GRAMD1B: variants seen among roughly 807,000 people sequenced by gnomAD.
GRAMD1B encodes the protein protein Aster-B.
Under a neutral mutation model 99.7 loss-of-function variants are expected in GRAMD1B, and 37 were observed. The ratio of observed to expected loss-of-function variants is 0.37; its 90% confidence interval spans 0.29 to 0.49. GRAMD1B has a LOEUF of 0.49. Ranked by LOEUF, GRAMD1B falls within the 20% of genes least tolerant of loss-of-function variation. GRAMD1B has a pLI of 0.98. For synonymous variants in GRAMD1B, 427 were observed against 387.6 expected (o/e 1.10, Z -1.19); for missense variants, 888 against 1,009.2 (o/e 0.88, Z 1.63).
Position 123,614,816 on chromosome 11 carries a change from C to T in GRAMD1B, c.2299C>T (p.Leu767=), listed in dbSNP as rs77039947. The T allele has an allele frequency of 2.0e-3, 3,200 of 1,607,336 alleles. 113 individuals are homozygous for T. The East Asian group carries it at 0.062, about 31-fold the overall frequency. The change falls in exon 17 of 20, where the codon CTG becomes TTG. Residue 767 remains leucine, a synonymous_variant. Coordinates refer to ENST00000635736, the MANE Select transcript of GRAMD1B (RefSeq NM_001387025.1). ...CCACCTGCAGAGCGTGTCCAAGCTG[C>T]TGCTGGTTATCAGCTGTGTGTAAGG... The part of the protein sequence containing the change: ...GFHLQSVSKL[L]LVISCVLVLL...
intron 1 of GRAMD1B, among the ~76,000 whole-genome samples, chr11:123,388,119 T>G (rs777375729): frequency 2.5e-4 from 24 of 97,224 alleles, no homozygotes; most frequent in Non-Finnish European, 3.6e-4. Flanking sequence ...AAAGCGAGAC[T>G]CCTCCTCCTC....
intron 1 of GRAMD1B, among the ~76,000 whole-genome samples, chr11:123,403,368 A>C (rs1017257771): frequency 1.3e-5 from 2 of 151,176 alleles, no homozygotes; most frequent in Non-Finnish European, 2.9e-5. Flanking sequence ...TGGAGGTTGC[A>C]GTGAGCTGAG....
chr11:123,464,032 G>C (rs1892969), intron 1 of GRAMD1B, among the ~76,000 whole-genome samples: 115,999 of 152,022 alleles, frequency 0.76, 45,490 homozygotes, highest in East Asian at 0.97. Context: ...GATAACAGGG[G>C]TGGGCCATGC....
At chr11:123,500,651 T>G (rs1027141251) in intron 2 of GRAMD1B, among the ~76,000 whole-genome samples, 1 of 152,144 alleles carries the variant, frequency 6.6e-6, no homozygotes, top group Non-Finnish European at 1.5e-5. Context: ...GTATTATTAT[T>G]AAAATAATAA....
At chr11:123,362,110 C>T (rs978615584) in intron 1 of GRAMD1B, among the ~76,000 whole-genome samples, 1 of 152,150 alleles carries the variant, frequency 6.6e-6, no homozygotes, top group African/African-American at 2.4e-5. Context: ...TTAGGTGTTC[C>T]TTAAACCAAC....
intron 2 of GRAMD1B, among the ~76,000 whole-genome samples, chr11:123,493,839 T>C (rs1938898140): frequency 6.6e-6 from 1 of 152,168 alleles, no homozygotes; most frequent in African/African-American, 2.4e-5. Flanking sequence ...GAGGAAGACC[T>C]GAGTTCTTCC....
Position 123,560,236 on chromosome 11 carries a change from CT to C in GRAMD1B, c.453-17130del. On this transcript the variant is annotated intron_variant, in intron 2 of 19. Transcript: ENST00000635736. ...AAGAGGGGTGCGTGTCTGAGTGTGT[CT>C]GTGCGCCTGTGCGCGTGCGTGCCTG... 3.7e-6 allele frequency: 4 copies of C among 1,071,688 alleles called. No individual in the cohort carries two copies. The South Asian group carries it at 1.1e-4, about 30-fold the overall frequency. The allele number at this position is 1,071,688 out of a possible 1,614,324, so 66.4% of individuals were successfully genotyped here. A position where few individuals can be genotyped will look rare whatever the true frequency, so the allele number is the denominator to read the frequency against.
chr11:123,430,799 G>A lies in GRAMD1B; in HGVS notation c.7G>A (p.Ala3Thr). The A allele has an allele frequency of 1.5e-6, 1 of 681,054 alleles. No homozygotes were observed. The highest frequency in any genetic ancestry group is 1.8e-5 in the African/African-American group (1 of 56,522). The allele number at this position is 681,054 out of a possible 1,614,324, so 42.2% of individuals were successfully genotyped here. The change falls in exon 1 of 20, where the codon GCG (alanine) becomes ACG (threonine). Residue 3 changes from alanine to threonine, a missense_variant. Ala to Thr is a moderately conservative substitution (Grantham distance 58). Coordinates refer to ENST00000635736, the MANE Select transcript of GRAMD1B (RefSeq NM_001387025.1). MP[A>T]ANMMENRPLP... ...CGCAGAGGCGACGGCCCCCATGCCG[G>A]CGGCCAACATGATGGAGAACCGGCC... is the stretch of plus-strand genomic sequence containing the variant.
At chr11:123,599,104 G>T in intron 7 of GRAMD1B, 1 of 862,068 alleles carries the variant, frequency 1.2e-6, no homozygotes, top group Non-Finnish European at 2.0e-6. Flanking sequence ...GGATTCTCTC[G>T]AGCCTTCAGG....
At chr11:123,576,014 C>T (rs950694896) in intron 2 of GRAMD1B, among the ~76,000 whole-genome samples, 3 of 151,822 alleles carry the variant, frequency 2.0e-5, no homozygotes, top group African/African-American at 7.3e-5. Context: ...TATCAGTTTC[C>T]TTCCAAAAGT....
intron 1 of GRAMD1B, among the ~76,000 whole-genome samples, chr11:123,452,503 A>C (rs1949932877): frequency 1.3e-5 from 2 of 152,094 alleles, no homozygotes. Flanking sequence ...AAAATTAGCC[A>C]GGCGTGGTGA....
intron 9 of GRAMD1B, 88 bp downstream of exon 9, chr11:123,603,629 C>T: frequency 1.3e-6 from 1 of 780,596 alleles, no homozygotes; most frequent in Non-Finnish European, 2.3e-6. Context: ...AGCACACATG[C>T]CTGTGCAGCC....
At chr11:123,486,861 C>T (rs116153452) in intron 2 of GRAMD1B, among the ~76,000 whole-genome samples, 166 of 152,132 alleles carry the variant, frequency 1.1e-3, no homozygotes, top group African/African-American at 3.7e-3. Flanking sequence ...CTTTGAGGCC[C>T]GGAGTCTGAG....
At chr11:123,552,180 C>T (rs960263677) in intron 2 of GRAMD1B, among the ~76,000 whole-genome samples, 1 of 151,506 alleles carries the variant, frequency 6.6e-6, no homozygotes, top group Non-Finnish European at 1.5e-5. Context: ...CACTCTGATG[C>T]TGAAAATCTA....
At chr11:123,450,478 G>A (rs1949839496) in intron 1 of GRAMD1B, among the ~76,000 whole-genome samples, 1 of 152,174 alleles carries the variant, frequency 6.6e-6, no homozygotes, top group Non-Finnish European at 1.5e-5. Context: ...TGCCCTACAG[G>A]GGCTTCTCTA....
rs1175202539 is a variant in GRAMD1B, at chr11:123,415,095, C to CTTTTT, written c.-176+56318_-176+56322dup. On this transcript the variant is annotated intron_variant, in intron 1 of 20. Coordinates refer to the GRAMD1B transcript ENST00000638157. ...TTTCTTTTTTCTTTTCTTTTTCTTT[C>CTTTTT]TTTTTTTTTTTTTTTTTTTTTTTTT... is the stretch of plus-strand genomic sequence containing the variant. Among the ~76,000 whole-genome samples, 136 of 75,842 alleles carry CTTTTT rather than the reference C, an allele frequency of 1.8e-3. 2 individuals are homozygous for CTTTTT. Among genetic ancestry groups the CTTTTT allele is most frequent in the Non-Finnish European group, 2.1e-3 (86 of 41,244 alleles). 49.8% of individuals were successfully genotyped at this position (75,842 alleles called of 152,430 possible).
chr11:123,398,114 C>T (rs936918508), intron 1 of GRAMD1B, among the ~76,000 whole-genome samples: 1 of 152,188 alleles, frequency 6.6e-6, no homozygotes, highest in Non-Finnish European at 1.5e-5. Context: ...TGAAATTGCT[C>T]AGTCGTATAG....
intron 1 of GRAMD1B, among the ~76,000 whole-genome samples, chr11:123,463,266 G>A (rs553927790): frequency 6.6e-6 from 1 of 152,358 alleles, no homozygotes; most frequent in South Asian, 2.1e-4. Context: ...ACCCGCCTTG[G>A]CTTCCCAAAT....
chr11:123,564,710 C>T (rs918133908), intron 2 of GRAMD1B, among the ~76,000 whole-genome samples: 4 of 152,262 alleles, frequency 2.6e-5, no homozygotes, highest in African/African-American at 7.2e-5. Flanking sequence ...ATGGATGGAT[C>T]CTGCAGGAAT....
Sources: allele counts gnomAD v4.1 joint callset (sites outside exome capture counted in the v4.1 genomes callset), GRCh38; gene constraint gnomAD v4.1.1; transcripts MANE v1.5; gene names NCBI Gene and HGNC (gene_info 2026-07-23, HGNC 2026-07-21).